SBNO1: variants seen among roughly 807,000 people sequenced by gnomAD.
SBNO1 encodes the protein protein strawberry notch homolog 1.
In SBNO1, 23 loss-of-function variants were observed where a neutral mutation model predicts 173.6. That is an observed-to-expected ratio of 0.13 (90% CI 0.10 to 0.19). The LOEUF is 0.19. Among genes scored for constraint, SBNO1 ranks in the 10% least tolerant of loss-of-function variants. The pLI is 1.00. For missense variants in SBNO1, 1,238 were observed against 1,671.2 expected (o/e 0.74, Z 4.52); for synonymous variants, 632 against 571.5 (o/e 1.11, Z -1.51).
chr12:123,358,315 G>A (rs377057961), intron 1 of SBNO1, among the ~76,000 whole-genome samples: 2 of 152,310 alleles, frequency 1.3e-5, no homozygotes, highest in East Asian at 3.9e-4. Flanking sequence ...TTCAGATTTT[G>A]AACATTTCAG....
At chr12:123,311,748 A>ATTTT (rs148426880) in intron 24 of SBNO1, among the ~76,000 whole-genome samples, 161 of 134,374 alleles carry the variant, frequency 1.2e-3, no homozygotes, top group African/African-American at 4.2e-3. Context: ...ATATATATAT[A>ATTTT]TTTTTGCGAC....
chr12:123,341,571 G>C (rs1176849712), intron 4 of SBNO1, among the ~76,000 whole-genome samples: 1 of 152,038 alleles, frequency 6.6e-6, no homozygotes, highest in African/African-American at 2.4e-5. Context: ...GCCCAGGATG[G>C]AGTGCGTTGG....
intron 9 of SBNO1, among the ~76,000 whole-genome samples, chr12:123,329,888 A>T (rs1378387688): frequency 6.6e-6 from 1 of 152,216 alleles, no homozygotes; most frequent in Non-Finnish European, 1.5e-5. Context: ...TGCTAACTGA[A>T]CCTTAACATT....
intron 6 of SBNO1, among the ~76,000 whole-genome samples, chr12:123,335,739 T>A: frequency 6.6e-6 from 1 of 152,230 alleles, no homozygotes; most frequent in East Asian, 1.9e-4. Flanking sequence ...TGGTCCAGAT[T>A]TAGTTTGCTG....
At chr12:123,348,671 CAGG>C (rs1336433373) in intron 2 of SBNO1, among the ~76,000 whole-genome samples, 1 of 152,108 alleles carries the variant, frequency 6.6e-6, no homozygotes, top group Admixed American at 6.6e-5. Flanking sequence ...GAAGCTGAGG[CAGG>C]AGAATGGCGT....
intron 30 of SBNO1, among the ~76,000 whole-genome samples, chr12:123,300,970 C>CAA (rs1463966752): frequency 8.0e-6 from 1 of 124,356 alleles, no homozygotes; most frequent in South Asian, 2.7e-4. Flanking sequence ...AAAAAAAAAA[C>CAA]AAAAAAAAAC....
At chr12:123,336,332 A>G (rs1251035453) in intron 6 of SBNO1, 63 bp downstream of exon 6, 1 of 1,079,998 alleles carries the variant, frequency 9.3e-7, no homozygotes, top group East Asian at 2.5e-5. Context: ...AACAAAACAA[A>G]AAGAACCAAA....
At chr12:123,332,769 G>A (rs1359086396) in intron 7 of SBNO1, among the ~76,000 whole-genome samples, 2 of 152,008 alleles carry the variant, frequency 1.3e-5, no homozygotes, top group Non-Finnish European at 1.5e-5. Flanking sequence ...GTTTCACCAC[G>A]TTGGCCAGGC....
At chr12:123,296,139 T>C (rs1051812536) in intron 31 of SBNO1, 89 bp from the exon 32 acceptor site, 4 of 789,406 alleles carry the variant, frequency 5.1e-6, no homozygotes, top group Middle Eastern at 2.5e-4. Context: ...AGGCATAATA[T>C]TAAGCGTAAT....
intron 23 of SBNO1, 81 bp from the exon 24 acceptor site, chr12:123,313,800 A>C: frequency 1.2e-6 from 1 of 809,640 alleles, no homozygotes; most frequent in Non-Finnish European, 2.0e-6. Flanking sequence ...ATACTATAAA[A>C]ACTACTGGCT....
At chr12:123,340,229 A>G in intron 5 of SBNO1, among the ~76,000 whole-genome samples, 1 of 152,208 alleles carries the variant, frequency 6.6e-6, no homozygotes, top group East Asian at 1.9e-4. Context: ...TGGAGAATTT[A>G]TTAAATAAAT....
chr12:123,330,536 T>A, intron 8 of SBNO1, 27 bp from the exon 9 acceptor site: 1 of 1,259,458 alleles, frequency 7.9e-7, no homozygotes. Context: ...AAGCACAAAT[T>A]AAATACAAAT....
rs1167227623 is a variant in SBNO1, at chr12:123,313,217, T to C, written c.3220+403A>G. ...CTCGGTCTTAAAATAAATAAATAAA[T>C]AAATAAATAAATAAATAAATAAATA... On this transcript the variant is annotated intron_variant, in intron 24 of 31. Coordinates refer to ENST00000602398, the MANE Select transcript of SBNO1 (RefSeq NM_001167856.3). 6.0e-5 allele frequency among the ~76,000 whole-genome samples: 8 copies of C among 133,524 alleles called. No individual in the cohort carries two copies. The Admixed American group carries it at 6.1e-4, about 10-fold the overall frequency. The allele number at this position is 133,524 out of a possible 152,430, so 87.6% of individuals were successfully genotyped here.
chr12:123,296,101 T>G, intron 31 of SBNO1, 51 bp from the exon 32 acceptor site: 2 of 1,210,922 alleles, frequency 1.7e-6, no homozygotes, highest in Non-Finnish European at 2.4e-6. Context: ...GAAACCACAC[T>G]GTACAGCTTC....
Position 123,325,611 on chromosome 12 carries a change from A to T in SBNO1, c.1876-12T>A, listed in dbSNP as rs779659124. On this transcript the variant is annotated splice_polypyrimidine_tract_variant and intron_variant, in intron 14 of 31. Coordinates refer to ENST00000602398, the MANE Select transcript of SBNO1 (RefSeq NM_001167856.3). ...CCAATTACAACACACTGGAGAAAAA[A>T]GAAAACATGTTAATTATGAATAATA... 1 of 1,499,888 alleles carries T rather than the reference A, an allele frequency of 6.7e-7. No individual in the cohort carries two copies. Among genetic ancestry groups the T allele is most frequent in the South Asian group, 1.2e-5 (1 of 85,812 alleles). The allele number at this position is 1,499,888 out of a possible 1,614,324, so 92.9% of individuals were successfully genotyped here. A position where few individuals can be genotyped will look rare whatever the true frequency, so the allele number is the denominator to read the frequency against.
intron 24 of SBNO1, 130 bp downstream of exon 24, chr12:123,313,490 C>T: frequency 1.8e-6 from 1 of 554,900 alleles, no homozygotes; most frequent in Non-Finnish European, 3.2e-6. Flanking sequence ...TCCTAGTAAC[C>T]ATTAATTTCA....
At position 123,317,355 on chromosome 12, in the gene SBNO1, T is replaced by C. The variant is rs764991450; in HGVS notation, c.2801A>G (p.Asn934Ser). The C allele has an allele frequency of 1.2e-6, 2 of 1,613,818 alleles. No homozygotes were observed. Among genetic ancestry groups the C allele is most frequent in the African/African-American group, 1.3e-5 (1 of 74,900 alleles). The change falls in exon 21 of 32, where the codon AAT (asparagine) becomes AGT (serine). Residue 934 changes from asparagine (N) to serine (S), a missense_variant and splice_region_variant. Asn to Ser is a conservative substitution (Grantham distance 46, BLOSUM62 1). This residue lies in a region of SBNO1 where 45 missense variants were observed against 85.5 expected (regional missense o/e 0.53). Coordinates refer to ENST00000602398, the MANE Select transcript of SBNO1 (RefSeq NM_001167856.3). ...GGCAGCTTCTGAGATGATAGCAATA[T>C]TCTGTGTCAAATATAAGAAAAATAA... ...EKQRFMDGDK[N>S]IAIISEAASS...
chr12:123,332,834 C>T (rs985611837), intron 7 of SBNO1, among the ~76,000 whole-genome samples: 6 of 152,144 alleles, frequency 3.9e-5, no homozygotes, highest in Non-Finnish European at 5.9e-5. Flanking sequence ...TCCCAAAGTA[C>T]TGGGATTGGG....
At chr12:123,335,074 C>T (rs762378402) in intron 6 of SBNO1, among the ~76,000 whole-genome samples, 2 of 152,128 alleles carry the variant, frequency 1.3e-5, no homozygotes, top group African/African-American at 2.4e-5. Flanking sequence ...ACCTGTGGTC[C>T]GAGCTATTCA....
Sources: allele counts gnomAD v4.1 joint callset (sites outside exome capture counted in the v4.1 genomes callset), GRCh38; gene constraint gnomAD v4.1.1; regional missense constraint gnomAD v4.1.1; transcripts MANE v1.5; gene names NCBI Gene and HGNC (gene_info 2026-07-23, HGNC 2026-07-21).